STIM2: variants seen among roughly 807,000 people sequenced by gnomAD.
STIM2 encodes the protein stromal interaction molecule 2.
A neutral mutation model predicts 85.8 loss-of-function variants in STIM2; 31 were observed. The ratio of observed to expected loss-of-function variants is 0.36; its 90% CI spans 0.27 to 0.49. The LOEUF (loss-of-function observed/expected upper bound fraction) is 0.49, where lower values mean the gene tolerates loss of function less well. Among genes scored for constraint, STIM2 ranks in the 20% least tolerant of loss-of-function variants. STIM2 has a pLI of 0.98. For missense variants in STIM2, 841 were observed against 927.6 expected (o/e 0.91, Z 1.21); for synonymous variants, 356 against 331.1 (o/e 1.08, Z -0.82).
chr4:26,946,133 G>C (rs1169913219), intron 2 of STIM2, among the ~76,000 whole-genome samples: 2 of 152,138 alleles, frequency 1.3e-5, no homozygotes, highest in Non-Finnish European at 2.9e-5. Context: ...GGCAAACATT[G>C]ATGTCCTACC....
intron 1 of STIM2, among the ~76,000 whole-genome samples, chr4:26,876,505 A>C (rs557984630): frequency 4.6e-5 from 7 of 152,346 alleles, no homozygotes; most frequent in African/African-American, 1.7e-4. Context: ...AGTTACTCTA[A>C]CATAAAAAGT....
chr4:26,915,465 C>A (rs1560205884), intron 1 of STIM2, among the ~76,000 whole-genome samples: 1 of 152,042 alleles, frequency 6.6e-6, no homozygotes, highest in African/African-American at 2.4e-5. Flanking sequence ...GGACTCCTGA[C>A]CTCAGGTGAT....
intron 1 of STIM2, among the ~76,000 whole-genome samples, chr4:26,895,151 G>A (rs1489059040): frequency 2.6e-5 from 4 of 152,236 alleles, no homozygotes; most frequent in African/African-American, 9.6e-5. Context: ...GGCAGAGGTT[G>A]CAGTGAGCTG....
chr4:26,875,668 G>A (rs1722791721), intron 1 of STIM2, among the ~76,000 whole-genome samples: 1 of 152,096 alleles, frequency 6.6e-6, no homozygotes, highest in South Asian at 2.1e-4. Context: ...GCTGTTTTTA[G>A]TTAAATACAA....
chr4:26,972,568 C>G (rs528522744), intron 3 of STIM2, among the ~76,000 whole-genome samples: 12 of 152,246 alleles, frequency 7.9e-5, no homozygotes, highest in Non-Finnish European at 1.3e-4. Flanking sequence ...GTTGAACCAG[C>G]CTTACATCTG....
At chr4:26,873,631 C>G in intron 1 of STIM2, 2 of 584,452 alleles carry the variant, frequency 3.4e-6, no homozygotes, top group Non-Finnish European at 6.3e-6. Context: ...CTGCAGGGCA[C>G]TTCCTTAGTC....
At chr4:26,878,850 G>A (rs1184149084) in intron 1 of STIM2, among the ~76,000 whole-genome samples, 1 of 152,082 alleles carries the variant, frequency 6.6e-6, no homozygotes, top group African/African-American at 2.4e-5. Flanking sequence ...GCAAGGAAGT[G>A]CCACACTTAA....
rs778245013 is a variant in STIM2, at chr4:27,023,936, G to A, written c.*940G>A. On this transcript the variant is annotated 3_prime_UTR_variant, in exon 12 of 12. Transcript: ENST00000467087. Reference sequence around the variant, plus strand: ...CGGTTTGTGAAAAATGTGTACTGTGGAAAAGATAATAAATTGAAGACATTA... The same window carrying A: ...CGGTTTGTGAAAAATGTGTACTGTGAAAAAGATAATAAATTGAAGACATTA... 9.8e-5 allele frequency: 15 copies of A among 152,584 alleles called. No homozygotes were observed. Among genetic ancestry groups the A allele is most frequent in the Non-Finnish European group, 1.6e-4 (11 of 68,036 alleles). The allele number at this position is 152,584 out of a possible 1,614,324, so 9.5% of individuals were successfully genotyped here.
intron 1 of STIM2, among the ~76,000 whole-genome samples, chr4:26,917,037 G>A (rs1222202957): frequency 2.0e-5 from 3 of 152,110 alleles, no homozygotes; most frequent in Non-Finnish European, 4.4e-5. Flanking sequence ...ATTTATCAGA[G>A]GCTTAAAATA....
At chr4:26,966,077 C>T (rs1726705298) in intron 3 of STIM2, among the ~76,000 whole-genome samples, 1 of 152,072 alleles carries the variant, frequency 6.6e-6, no homozygotes, top group Non-Finnish European at 1.5e-5. Flanking sequence ...CTACATTTCT[C>T]CTCTGCTATG....
intron 1 of STIM2, among the ~76,000 whole-genome samples, chr4:26,867,770 C>T (rs570986980): frequency 6.6e-6 from 1 of 152,330 alleles, no homozygotes; most frequent in East Asian, 1.9e-4. Flanking sequence ...GATATTCAGT[C>T]TTTCTTGACA....
intron 10 of STIM2, among the ~76,000 whole-genome samples, chr4:27,012,806 T>G (rs906658085): frequency 2.0e-5 from 3 of 152,082 alleles, no homozygotes; most frequent in African/African-American, 7.2e-5. Context: ...TAGATTACTT[T>G]TAAGTTAAGG....
chr4:26,900,669 A>T (rs1333453127), intron 1 of STIM2, among the ~76,000 whole-genome samples: 1 of 152,226 alleles, frequency 6.6e-6, no homozygotes, highest in African/African-American at 2.4e-5. Context: ...TGTTAGAAAT[A>T]GTTTCTTGGA....
At chr4:26,909,819 C>T (rs1724265321) in intron 1 of STIM2, among the ~76,000 whole-genome samples, 1 of 152,168 alleles carries the variant, frequency 6.6e-6, no homozygotes, top group Non-Finnish European at 1.5e-5. Context: ...TAGAAATAAG[C>T]AAAGCTCTTC....
rs138120687 is a variant in STIM2, at chr4:26,959,155, T to A, written c.397+1429T>A. On this transcript the variant is annotated intron_variant, in intron 3 of 11. Coordinates refer to ENST00000467087, the MANE Select transcript of STIM2 (RefSeq NM_020860.4). ...ACTCTGTAGTGACTCAGAGTAATAG[T>A]CCAAATCTTTACAAAGACCCGTAAG... is the stretch of plus-strand genomic sequence containing the variant. Among the ~76,000 whole-genome samples the A allele has an allele frequency of 5.0e-3, 759 of 152,292 alleles. 8 individuals carry two copies. Among genetic ancestry groups the A allele is most frequent in the African/African-American group, 0.018 (736 of 41,560 alleles).
At chr4:27,007,968 GC>G (rs1202398034) in intron 8 of STIM2, 2 of 720,318 alleles carry the variant, frequency 2.8e-6, no homozygotes, top group Non-Finnish European at 5.1e-6. Context: ...TTTATACAGA[GC>G]TTTTTTCCTC....
chr4:26,927,845 T>A (rs962675065), intron 2 of STIM2, among the ~76,000 whole-genome samples: 2 of 135,666 alleles, frequency 1.5e-5, no homozygotes, highest in Non-Finnish European at 3.1e-5. Flanking sequence ...ATAAATTATA[T>A]ATTAATATAT....
At chr4:27,006,738 A>G (rs186192888) in intron 7 of STIM2, among the ~76,000 whole-genome samples, 2 of 152,298 alleles carry the variant, frequency 1.3e-5, no homozygotes, top group East Asian at 3.9e-4. Flanking sequence ...ATTAAAGGGC[A>G]GGTGGAAGAA....
intron 3 of STIM2, among the ~76,000 whole-genome samples, chr4:26,967,663 C>G (rs1427616421): frequency 1.3e-5 from 2 of 152,064 alleles, no homozygotes; most frequent in Admixed American, 1.3e-4. Context: ...CTTTGTCTGC[C>G]TTTTTTAACT....
Sources: gnomAD v4.1 joint callset for allele counts (sites outside exome capture counted in the v4.1 genomes callset) on GRCh38, gnomAD v4.1.1 for gene constraint, MANE v1.5 for transcripts, NCBI Gene and HGNC (gene_info 2026-07-23, HGNC 2026-07-21) for gene names.